PLCD3: variants seen among roughly 807,000 people sequenced by gnomAD.
The protein encoded by PLCD3 is phospholipase C delta 3.
In PLCD3, 62 loss-of-function variants were observed where a neutral mutation model predicts 82.8. The ratio of observed to expected loss-of-function variants is 0.75; its 90% CI spans 0.61 to 0.93. The LOEUF is 0.93. PLCD3 is among the 40% of genes least tolerant of loss of function. PLCD3 has a pLI of 0.00. For synonymous variants in PLCD3, 478 were observed against 471.8 expected (o/e 1.01, Z -0.17); for missense variants, 1,023 against 1,103.4 (o/e 0.93, Z 1.03).
At position 45,113,572 on chromosome 17, in the gene PLCD3, A is replaced by G; in HGVS notation, c.1862T>C (p.Met621Thr). Residue 621 changes from methionine to threonine, a missense_variant, in exon 12 of 15, where the codon ATG becomes ACG. Around this residue, in one of 3 missense-constraint regions of PLCD3, gnomAD observed 553 missense variants for 655.7 expected, o/e 0.84. Transcript: ENST00000619929. ...ALNFQTPGYEMDLNAGRFLVN... is the reference protein window; with the variant it reads ...ALNFQTPGYETDLNAGRFLVN... ...TAGGAAGCGCCCGGCATTGAGGTCC[A>G]TCTCGTAGCCTGGCGTCTGGAAGTT... 1.3e-6 allele frequency: 2 copies of G among 1,558,002 alleles called. No homozygotes were observed. Among genetic ancestry groups the G allele is most frequent in the Non-Finnish European group, 1.7e-6 (2 of 1,151,056 alleles).
chr17:45,114,770 C>T (rs1174131775), intron 10 of PLCD3, among the ~76,000 whole-genome samples: 1 of 152,156 alleles, frequency 6.6e-6, no homozygotes, highest in African/African-American at 2.4e-5. Context: ...GATGTGTCCT[C>T]TCAGCATCAC....
rs755177246 is a variant in PLCD3 at position 45,120,417 on chromosome 17, G to C, written c.592C>G (p.Gln198Glu). 2 of 1,614,002 alleles carry C rather than the reference G, an allele frequency of 1.2e-6. No individual in the cohort carries two copies. Among genetic ancestry groups the C allele is most frequent in the East Asian group, 4.5e-5 (2 of 44,880 alleles). The stretch of plus-strand genomic sequence containing the variant: ...TCCTTGAAGCTCATCTTGCTGTCCT[G>C]GTTGGAGTCAGCCCGGTGCAGATAG... ...HSYLHRADSN[Q>E]DSKMSFKEIK... Residue 198 changes from glutamine (Q) to glutamate (E), a missense_variant, in exon 4 of 15, where the codon CAG becomes GAG. This residue lies in a region of PLCD3 where 448 missense variants were observed against 406.3 expected (regional missense o/e 1.10). Transcript: ENST00000619929.
chr17:45,129,681 A>G (rs1188266502), intron 1 of PLCD3, among the ~76,000 whole-genome samples: 1 of 152,224 alleles, frequency 6.6e-6, no homozygotes, highest in Non-Finnish European at 1.5e-5. Context: ...AGCTCAGCAC[A>G]GTGCCTCACG....
At chr17:45,114,768 C>T (rs76202789) in intron 10 of PLCD3, among the ~76,000 whole-genome samples, 7,413 of 152,178 alleles carry the variant, frequency 0.049, 596 homozygotes, top group African/African-American at 0.17. Context: ...GTGATGTGTC[C>T]TCTCAGCATC....
chr17:45,112,947 G>A lies in PLCD3; in HGVS notation c.2197C>T (p.Arg733Trp), dbSNP rs772923840. 16 of 1,612,638 alleles carry A rather than the reference G, an allele frequency of 9.9e-6. No homozygotes were observed. Among genetic ancestry groups the A allele is most frequent in the South Asian group, 4.4e-5 (4 of 90,840 alleles). The change falls in exon 14 of 15, where the codon CGG becomes TGG. Residue 733 changes from arginine (R) to tryptophan (W), a missense_variant. Transcript: ENST00000619929. ...QLRAPELALV[R>W]FVVEDYDATS... ...GCGTCATAATCTTCCACCACAAACC[G>A]GACCAGTGCCAGCTCCGGAGCCCGC... is the stretch of plus-strand genomic sequence containing the variant.
intron 1 of PLCD3, among the ~76,000 whole-genome samples, chr17:45,129,626 C>T (rs1222932917): frequency 6.6e-6 from 1 of 152,238 alleles, no homozygotes; most frequent in Non-Finnish European, 1.5e-5. Context: ...ACAGCACCTC[C>T]CGCACAGGGA....
At chr17:45,129,418 T>C (rs374411769) in intron 1 of PLCD3, 2 of 152,208 alleles carry the variant, frequency 1.3e-5, no homozygotes, top group Admixed American at 6.5e-5. Context: ...CAGTGAGCCA[T>C]GATCATGCCA....
At position 45,112,621 on chromosome 17, in the gene PLCD3, A is replaced by G. The variant is rs1227809165; in HGVS notation, c.2365T>C (p.Ser789Pro). ...AAGGCGAGTGAGGTGGGCCCTCAGG[A>G]GCGCTGGATGCGGATTTGGATGAAG... ...TLFIQIRIQRS is the reference protein window; with the variant it reads ...TLFIQIRIQRP Residue 789 changes from serine to proline, a missense_variant, in exon 15 of 15, where the codon TCC becomes CCC. Physicochemically the swap from Ser to Pro is moderately conservative, Grantham distance 74. Coordinates refer to ENST00000619929, the MANE Select transcript of PLCD3 (RefSeq NM_133373.5). 1.3e-6 allele frequency: 2 copies of G among 1,599,370 alleles called. No homozygotes were observed. The highest frequency in any genetic ancestry group is 1.7e-6 in the Non-Finnish European group (2 of 1,173,496).
intron 1 of PLCD3, among the ~76,000 whole-genome samples, chr17:45,123,205 CT>C (rs1598034373): frequency 6.6e-6 from 1 of 152,102 alleles, no homozygotes; most frequent in South Asian, 2.1e-4. Flanking sequence ...CTCTTGGACC[CT>C]TTTGTAGGAT....
intron 7 of PLCD3, 106 bp downstream of exon 7, chr17:45,117,887 CT>C: frequency 2.1e-6 from 3 of 1,435,490 alleles, no homozygotes; most frequent in Non-Finnish European, 2.8e-6. Context: ...GAATGATTCT[CT>C]GGGCAAGGGT....
At chr17:45,128,716 A>G (rs2054399446) in intron 1 of PLCD3, among the ~76,000 whole-genome samples, 1 of 152,270 alleles carries the variant, frequency 6.6e-6, no homozygotes, top group Non-Finnish European at 1.5e-5. Context: ...CAGGGTGGCC[A>G]GAGAAAATCC....
intron 7 of PLCD3, 30 bp from the exon 8 acceptor site, chr17:45,116,814 C>T: frequency 6.5e-7 from 1 of 1,535,060 alleles, no homozygotes; most frequent in Non-Finnish European, 8.8e-7. Context: ...AGCTCAGAGC[C>T]ACTCCCCTCC....
At position 45,118,616 on chromosome 17, in the gene PLCD3, T is replaced by TC; in HGVS notation, c.914-125_914-124insG. 8.3e-7 allele frequency: 1 copy of TC among 1,199,532 alleles called. No individual in the cohort carries two copies. Among genetic ancestry groups the TC allele is most frequent in the Non-Finnish European group, 1.2e-6 (1 of 853,370 alleles). 74.3% of individuals were successfully genotyped at this position (1,199,532 alleles called of 1,614,324 possible). A position where few individuals can be genotyped will look rare whatever the true frequency, so the allele number is the denominator to read the frequency against. ...GACAATCTACTGACTAGACTCCATG[T>TC]AAGTCATGCCACTTAACCTTCGACC... On this transcript the variant is annotated intron_variant, in intron 5 of 14. Coordinates refer to ENST00000619929, the MANE Select transcript of PLCD3 (RefSeq NM_133373.5). The surrounding 1 kb of genome is among the most constrained non-coding windows in gnomAD (Gnocchi z 4.1).
Position 45,113,254 on chromosome 17 carries a change from G to T in PLCD3, c.1999C>A (p.Leu667Met). Residue 667 changes from leucine (L) to methionine (M), a missense_variant, in exon 13 of 15, where the codon CTG (leucine) becomes ATG (methionine). This residue lies in a region of PLCD3 where 553 missense variants were observed against 655.7 expected (regional missense o/e 0.84). Coordinates refer to ENST00000619929, the MANE Select transcript of PLCD3 (RefSeq NM_133373.5). ...PPRTTLSIQVLTAQQLPKLNA... is the reference protein window; with the variant it reads ...PPRTTLSIQVMTAQQLPKLNA... ...AGCTTGGGCAGCTGCTGTGCAGTCA[G>T]CACCTGTGGGTGAGGGAGGGAGTGG... is the stretch of plus-strand genomic sequence containing the variant. 1 of 1,604,684 alleles carries T rather than the reference G, an allele frequency of 6.2e-7. No homozygotes were observed. The highest frequency in any genetic ancestry group is 1.7e-5 in the Admixed American group (1 of 58,648).
chr17:45,112,883 G>A lies in PLCD3; in HGVS notation c.2261C>T (p.Pro754Leu). ...CCAACCTTGCTTTAGGCTGCTAAGA[G>A]GCAGTGTAAACTGGCCCACAAAGTC... ...PNDFVGQFTL[P>L]LSSLKQGYRH... is the part of the protein sequence containing the mutation. The change falls in exon 14 of 15, where the codon CCT becomes CTT. Residue 754 changes from proline (P) to leucine (L), a missense_variant. Around this residue, in one of 3 missense-constraint regions of PLCD3, gnomAD observed 553 missense variants for 655.7 expected, o/e 0.84. Transcript: ENST00000619929. The A allele has an allele frequency of 1.2e-6, 2 of 1,612,550 alleles. No homozygotes were observed. Among genetic ancestry groups the A allele is most frequent in the East Asian group, 2.2e-5 (1 of 44,834 alleles).
At chr17:45,131,804 G>T (rs1444966781) in intron 1 of PLCD3, among the ~76,000 whole-genome samples, 1 of 152,214 alleles carries the variant, frequency 6.6e-6, no homozygotes, top group Admixed American at 6.5e-5. Context: ...GCCGCGGCTT[G>T]GAGGGCTGCT....
At chr17:45,119,735 T>G (rs369343550) in intron 4 of PLCD3, among the ~76,000 whole-genome samples, 1 of 152,108 alleles carries the variant, frequency 6.6e-6, no homozygotes, top group African/African-American at 2.4e-5. Context: ...AACAAGTCAA[T>G]GAGAATTCAT....
chr17:45,117,369 C>A (rs1210517868), intron 7 of PLCD3, among the ~76,000 whole-genome samples: 9 of 151,914 alleles, frequency 5.9e-5, no homozygotes. Flanking sequence ...CCTCAGCCTC[C>A]TGAGTAACTC....
chr17:45,118,083 C>G lies in PLCD3; in HGVS notation c.1171G>C (p.Gly391Arg). The G allele has an allele frequency of 1.2e-6, 2 of 1,613,904 alleles. No individual in the cohort carries two copies. Among genetic ancestry groups the G allele is most frequent in the Non-Finnish European group, 1.7e-6 (2 of 1,179,866 alleles). The change falls in exon 7 of 15, where the codon GGG becomes CGG. Residue 391 changes from glycine to arginine, a missense_variant. Gly to Arg is a moderately radical substitution (Grantham distance 125, BLOSUM62 -2). This residue lies in a region of PLCD3 where 553 missense variants were observed against 655.7 expected (regional missense o/e 0.84). Coordinates refer to ENST00000619929, the MANE Select transcript of PLCD3 (RefSeq NM_133373.5). This position sits in a 1 kb window ranked among gnomAD's most constrained non-coding sequence, Gnocchi z 4.1. ...TGGCCATGATAGATGACGGGCTCCCCTCCTGGCCCCTCCCAGCAGTCCAGC... is the reference window on the plus strand; with the variant it reads ...TGGCCATGATAGATGACGGGCTCCCGTCCTGGCCCCTCCCAGCAGTCCAGC... Reference protein sequence around the residue: ...VELDCWEGPGGEPVIYHGHTL... With the variant: ...VELDCWEGPGREPVIYHGHTL...
Sources: allele counts gnomAD v4.1 joint callset (sites outside exome capture counted in the v4.1 genomes callset), GRCh38; gene constraint gnomAD v4.1.1; regional missense constraint gnomAD v4.1.1; non-coding constraint Gnocchi (gnomAD v3.1); transcripts MANE v1.5; gene names NCBI Gene and HGNC (gene_info 2026-07-23, HGNC 2026-07-21).